The following GPHN variants were observed in gnomAD, a reference collection of about 807,000 sequenced individuals.
GPHN encodes the protein gephyrin.
Under a neutral mutation model 95.5 loss-of-function variants are expected in GPHN, and 17 were observed. That is an observed-to-expected ratio of 0.18 (90% CI 0.12 to 0.27). The LOEUF (loss-of-function observed/expected upper bound fraction) is 0.27. GPHN is among the 10% of genes least tolerant of loss of function. GPHN has a pLI of 1.00. For missense variants in GPHN, 660 were observed against 978.1 expected (o/e 0.67, Z 4.34); for synonymous variants, 320 against 322.5 (o/e 0.99, Z 0.08).
At chr14:67,493,059 G>A in the GPHN span, among the ~76,000 whole-genome samples, 1,467 of 152,308 alleles carry the variant, frequency 9.6e-3, 22 homozygotes, top group African/African-American at 0.032. Flanking sequence ...AGAAGAAGCC[G>A]TGCAAAGAAC....
the GPHN span, among the ~76,000 whole-genome samples, chr14:67,298,038 A>T: frequency 6.6e-6 from 1 of 152,146 alleles, no homozygotes; most frequent in Non-Finnish European, 1.5e-5. Context: ...CAAGCAGTTT[A>T]ATGCTGAATC....
chr14:66,930,859 C>T (rs1199099154), intron 8 of GPHN, among the ~76,000 whole-genome samples: 1 of 152,250 alleles, frequency 6.6e-6, no homozygotes, highest in East Asian at 1.9e-4. Flanking sequence ...AGTTGTCCTA[C>T]TCAAGATATG....
intron 2 of GPHN, among the ~76,000 whole-genome samples, chr14:66,759,706 AT>A (rs1566913424): frequency 4.6e-5 from 7 of 152,218 alleles, no homozygotes; most frequent in Non-Finnish European, 1.0e-4. Flanking sequence ...TAAGTGCAGC[AT>A]TTAGACTGTT....
intron 2 of GPHN, among the ~76,000 whole-genome samples, chr14:66,776,018 C>A (rs141353090): frequency 6.6e-6 from 1 of 152,214 alleles, no homozygotes; most frequent in Non-Finnish European, 1.5e-5. Flanking sequence ...GAAACAAGGT[C>A]ATGGGGAAGG....
chr14:67,477,708 C>T, the GPHN span, among the ~76,000 whole-genome samples: 3 of 152,110 alleles, frequency 2.0e-5, no homozygotes, highest in Non-Finnish European at 4.4e-5. Flanking sequence ...AAGGATCGCT[C>T]GAGCCCAGAA....
the GPHN span, among the ~76,000 whole-genome samples, chr14:67,344,959 G>C: frequency 7.9e-5 from 12 of 151,734 alleles, no homozygotes; most frequent in African/African-American, 2.9e-4. Flanking sequence ...GAAGAAGCAG[G>C]GGCCGGGTGT....
chr14:66,549,629 G>A (rs913531455), intron 1 of GPHN, among the ~76,000 whole-genome samples: 1 of 152,130 alleles, frequency 6.6e-6, no homozygotes, highest in Non-Finnish European at 1.5e-5. Context: ...ATTGATTAAG[G>A]TGGCTACGAA....
chr14:67,028,569 C>T (rs920450267), intron 10 of GPHN, among the ~76,000 whole-genome samples: 3 of 151,754 alleles, frequency 2.0e-5, no homozygotes, highest in Non-Finnish European at 4.4e-5. Context: ...TAACTGGAGC[C>T]GGATTATATT....
the GPHN span, among the ~76,000 whole-genome samples, chr14:67,527,341 G>A: frequency 6.6e-6 from 1 of 152,174 alleles, no homozygotes; most frequent in South Asian, 2.1e-4. Flanking sequence ...TGAGAATTAA[G>A]ATGATTCCTC....
At chr14:66,539,258 T>A (rs1389681054) in intron 1 of GPHN, among the ~76,000 whole-genome samples, 1 of 152,090 alleles carries the variant, frequency 6.6e-6, no homozygotes, top group Non-Finnish European at 1.5e-5. Flanking sequence ...GTAAGCACTG[T>A]AATACTGAGG....
the GPHN span, chr14:67,617,546 C>T: frequency 6.6e-6 from 1 of 152,208 alleles, no homozygotes; most frequent in African/African-American, 2.4e-5. Context: ...ACCTGTATAA[C>T]AATCTCCTGT....
chr14:67,169,191 G>T (rs946843577), intron 21 of GPHN, 155 bp downstream of exon 21: 1 of 655,524 alleles, frequency 1.5e-6, no homozygotes, highest in Non-Finnish European at 2.7e-6. Context: ...AAATGTAGGA[G>T]AAAGGGTCCC....
At chr14:66,713,259 T>C (rs2069838951) in intron 2 of GPHN, among the ~76,000 whole-genome samples, 1 of 152,192 alleles carries the variant, frequency 6.6e-6, no homozygotes, top group South Asian at 2.1e-4. Flanking sequence ...CGTCTAGAAT[T>C]TTTATAGTTT....
intron 1 of GPHN, among the ~76,000 whole-genome samples, chr14:66,521,285 A>G (rs551478271): frequency 1.3e-5 from 2 of 151,996 alleles, no homozygotes; most frequent in East Asian, 3.9e-4. Flanking sequence ...TGACATTTGT[A>G]TATAAACTTC....
At chr14:67,376,906 T>A in the GPHN span, among the ~76,000 whole-genome samples, 1 of 152,336 alleles carries the variant, frequency 6.6e-6, no homozygotes, top group Admixed American at 6.5e-5. Context: ...TGACTCTCCT[T>A]TGACTTTCAG....
chr14:66,831,019 T>C (rs1489857723), intron 4 of GPHN, among the ~76,000 whole-genome samples: 1 of 152,040 alleles, frequency 6.6e-6, no homozygotes, highest in Admixed American at 6.6e-5. Context: ...GCTTCAAAAA[T>C]AAGAACACTG....
chr14:67,269,337 T>G, the GPHN span, among the ~76,000 whole-genome samples: 2 of 151,686 alleles, frequency 1.3e-5, no homozygotes, highest in African/African-American at 4.8e-5. Context: ...GTACAAGTTT[T>G]TGTGTGTGTG....
At chr14:67,659,581 A>T in the GPHN span, 2 of 742,176 alleles carry the variant, frequency 2.7e-6, no homozygotes, top group Non-Finnish European at 4.1e-6. Context: ...GGGTAACAGG[A>T]ACTGGATGCA....
chr14:67,587,006 A>G, the GPHN span: 15 of 1,528,042 alleles, frequency 9.8e-6, no homozygotes, highest in Non-Finnish European at 1.3e-5. Flanking sequence ...ATAAGAGCTA[A>G]TAAGTAAGAA....
Sources: gnomAD v4.1 joint callset for allele counts (sites outside exome capture counted in the v4.1 genomes callset) on GRCh38, gnomAD v4.1.1 for gene constraint, MANE v1.5 for transcripts, NCBI Gene and HGNC (gene_info 2026-07-23, HGNC 2026-07-21) for gene names.